The following AFF3 variants were observed in gnomAD, a reference collection of about 807,000 sequenced individuals.
The protein encoded by AFF3 is ALF transcription elongation factor 3, also known as AF4/FMR2 family member 3.
Under a neutral mutation model 129.7 loss-of-function variants are expected in AFF3, and 32 were observed. The ratio of observed to expected loss-of-function variants is 0.25; its 90% CI spans 0.19 to 0.33. AFF3 has a LOEUF of 0.33. Among genes scored for constraint, AFF3 ranks in the 10% least tolerant of loss-of-function variants. The pLI is 1.00. For missense variants in AFF3, 1,373 were observed against 1,592.0 expected (o/e 0.86, Z 2.34); for synonymous variants, 644 against 635.4 (o/e 1.01, Z -0.20).
rs1674760090 is a variant in AFF3, at chr2:99,554,710, G to A, written c.3308C>T (p.Ala1103Val). The A allele has an allele frequency of 6.2e-7, 1 of 1,614,106 alleles. No individual in the cohort carries two copies. Among genetic ancestry groups the A allele is most frequent in the African/African-American group, 1.3e-5 (1 of 74,942 alleles). ...YFKNSSKAAQ[A>V]PSPWGASGKS... Reference sequence around the variant, plus strand: ...TCCACTGGCCCCCCACGGAGATGGGGCTTGGGCGGCTTTAGATGAGTTCTG... The same window carrying A: ...TCCACTGGCCCCCCACGGAGATGGGACTTGGGCGGCTTTAGATGAGTTCTG... Residue 1103 changes from alanine to valine, a missense_variant, in exon 23 of 25, where the codon GCC (alanine) becomes GTC (valine). By Grantham distance (64) the Ala-to-Val change is moderately conservative (BLOSUM62 0). Around this residue, in one of 9 missense-constraint regions of AFF3, gnomAD observed 165 missense variants for 234.0 expected, o/e 0.71. Coordinates refer to ENST00000672756, the MANE Select transcript of AFF3 (RefSeq NM_001386135.1).
intron 12 of AFF3, among the ~76,000 whole-genome samples, chr2:99,672,178 TCACACACACACACACACACACA>T (rs1177303721): frequency 3.5e-4 from 20 of 56,368 alleles, no homozygotes; most frequent in Non-Finnish European, 6.2e-4. Flanking sequence ...AGTTAGCTTC[TCACACACACACACACACACACA>T]CACACACACA....
chr2:99,808,192 C>A (rs1686505921), intron 8 of AFF3, among the ~76,000 whole-genome samples: 1 of 152,088 alleles, frequency 6.6e-6, no homozygotes, highest in South Asian at 2.1e-4. Flanking sequence ...TCCTAAACAC[C>A]ACTCTCAAGG....
chr2:99,880,237 C>G (rs1308690530), intron 7 of AFF3, among the ~76,000 whole-genome samples: 1 of 152,166 alleles, frequency 6.6e-6, no homozygotes, highest in Non-Finnish European at 1.5e-5. Context: ...GACAACGAAA[C>G]ATTTGTACAT....
rs187605264 is a variant in AFF3, at chr2:100,077,287, G to A, written c.53+27115C>T. On this transcript the variant is annotated intron_variant, in intron 4 of 24. Coordinates refer to ENST00000672756, the MANE Select transcript of AFF3 (RefSeq NM_001386135.1). ...TTAAAATTAATCTTAAAAATAATAA[G>A]ATCAGGCCCAAGGTAGTCGCTAAGG... Among the ~76,000 whole-genome samples the A allele has an allele frequency of 3.3e-3, 499 of 152,200 alleles. 4 individuals are homozygous for A. The highest frequency in any genetic ancestry group is 0.011 in the African/African-American group (474 of 41,534).
intron 12 of AFF3, among the ~76,000 whole-genome samples, chr2:99,652,751 T>G (rs1165217457): frequency 6.6e-6 from 1 of 152,128 alleles, no homozygotes; most frequent in African/African-American, 2.4e-5. Flanking sequence ...AAAGAGACAG[T>G]CAGTCCGTGT....
chr2:100,041,545 TCA>T (rs765284878), intron 4 of AFF3, among the ~76,000 whole-genome samples: 1 of 152,098 alleles, frequency 6.6e-6, no homozygotes, highest in South Asian at 2.1e-4. Context: ...CATATAAATT[TCA>T]CAGTTTCCTA....
intron 7 of AFF3, among the ~76,000 whole-genome samples, chr2:100,002,028 C>T (rs1473655132): frequency 6.6e-6 from 1 of 152,212 alleles, no homozygotes; most frequent in Non-Finnish European, 1.5e-5. Flanking sequence ...ACGTGGCCTC[C>T]GACTGCCATG....
chr2:100,007,328 T>C lies in AFF3; in HGVS notation c.307A>G (p.Thr103Ala). The change falls in exon 6 of 25, where the codon ACT (threonine) becomes GCT (alanine). Residue 103 changes from threonine to alanine, a missense_variant. Physicochemically the swap from Thr to Ala is moderately conservative, Grantham distance 58 (BLOSUM62 0). Coordinates refer to ENST00000672756, the MANE Select transcript of AFF3 (RefSeq NM_001386135.1). Reference protein sequence around the residue: ...VGVPKPGVPQTPVNKIDEHFV... With the variant: ...VGVPKPGVPQAPVNKIDEHFV... ...TGTTCATCGATCTTGTTCACAGGAG[T>C]CTGAGGAACCCCAGGTTTGGGAACT... is the stretch of plus-strand genomic sequence containing the variant. 6.2e-7 allele frequency: 1 copy of C among 1,614,086 alleles called. No homozygotes were observed. Among genetic ancestry groups the C allele is most frequent in the Non-Finnish European group, 8.5e-7 (1 of 1,180,006 alleles).
Position 99,964,620 on chromosome 2 carries a change from G to A in AFF3, c.873+42012C>T, listed in dbSNP as rs535012529. Among the ~76,000 whole-genome samples the A allele has an allele frequency of 5.7e-3, 860 of 152,174 alleles. 8 individuals are homozygous for A. The highest frequency in any genetic ancestry group is 0.02 in the African/African-American group (822 of 41,528). On this transcript the variant is annotated intron_variant, in intron 7 of 24. Coordinates refer to ENST00000672756, the MANE Select transcript of AFF3 (RefSeq NM_001386135.1). ...GCATGCAGCTAAAGTAATGCTGAGC[G>A]GGGAATTTACAGTACTAAATGCCTA...
intron 8 of AFF3, among the ~76,000 whole-genome samples, chr2:99,798,006 T>C (rs1243960988): frequency 6.6e-6 from 1 of 152,112 alleles, no homozygotes; most frequent in East Asian, 1.9e-4. Context: ...CTATTAAACA[T>C]ATTTTATAAT....
chr2:99,775,275 A>G (rs770943578), intron 8 of AFF3, among the ~76,000 whole-genome samples: 5 of 152,208 alleles, frequency 3.3e-5, no homozygotes, highest in Non-Finnish European at 5.9e-5. Flanking sequence ...TTGTAGTGCT[A>G]TTAGCAATAG....
intron 14 of AFF3, among the ~76,000 whole-genome samples, chr2:99,596,012 T>TG (rs948650916): frequency 6.6e-6 from 1 of 152,222 alleles, no homozygotes; most frequent in African/African-American, 2.4e-5. Flanking sequence ...TTCCCTGGGC[T>TG]GTGAGGATGC....
intron 8 of AFF3, among the ~76,000 whole-genome samples, chr2:99,814,210 A>G (rs959140368): frequency 1.3e-5 from 2 of 151,822 alleles, no homozygotes; most frequent in African/African-American, 4.8e-5. Context: ...TAGCCTAAGT[A>G]AAAGAGCTTC....
chr2:99,626,758 CTGT>C (rs1406108577), intron 13 of AFF3, among the ~76,000 whole-genome samples: 1 of 152,168 alleles, frequency 6.6e-6, no homozygotes, highest in African/African-American at 2.4e-5. Flanking sequence ...GCCCCAGTGT[CTGT>C]TGTTCTCCTC....
chr2:99,720,736 T>C (rs1678815609), intron 11 of AFF3, among the ~76,000 whole-genome samples: 1 of 152,252 alleles, frequency 6.6e-6, no homozygotes, highest in Non-Finnish European at 1.5e-5. Flanking sequence ...CCATCTTTTA[T>C]GTTAATCTAT....
intron 7 of AFF3, among the ~76,000 whole-genome samples, chr2:99,885,082 C>T (rs1428146706): frequency 6.6e-6 from 1 of 152,204 alleles, no homozygotes; most frequent in Non-Finnish European, 1.5e-5. Flanking sequence ...AATAGCCCCT[C>T]ATCACCTAGA....
At chr2:99,823,761 C>T (rs1461513193) in intron 8 of AFF3, among the ~76,000 whole-genome samples, 2 of 152,214 alleles carry the variant, frequency 1.3e-5, no homozygotes, top group African/African-American at 4.8e-5. Context: ...CCATGGAATA[C>T]TACGCAGCCA....
intron 8 of AFF3, among the ~76,000 whole-genome samples, chr2:99,829,180 A>G (rs1403456515): frequency 6.6e-6 from 1 of 152,242 alleles, no homozygotes; most frequent in Non-Finnish European, 1.5e-5. Context: ...ATACATTAAG[A>G]AAGATTAATA....
At chr2:99,935,753 C>A (rs1028652782) in intron 7 of AFF3, among the ~76,000 whole-genome samples, 3 of 152,208 alleles carry the variant, frequency 2.0e-5, no homozygotes, top group Non-Finnish European at 4.4e-5. Context: ...TTGGCAGGGT[C>A]TGCCCTCAAG....
Sources: gnomAD v4.1 joint callset for allele counts (sites outside exome capture counted in the v4.1 genomes callset) on GRCh38, gnomAD v4.1.1 for gene constraint, gnomAD v4.1.1 regional missense constraint, MANE v1.5 for transcripts, NCBI Gene and HGNC (gene_info 2026-07-23, HGNC 2026-07-21) for gene names.